The following HS3ST4 variants were observed in gnomAD, a reference collection of about 807,000 sequenced individuals.
HS3ST4 encodes the protein heparan sulfate-glucosamine 3-sulfotransferase 4, also known as heparan sulfate glucosamine 3-O-sulfotransferase 4.
A neutral mutation model predicts 29.2 loss-of-function variants in HS3ST4; 17 were observed. The ratio of observed to expected loss-of-function variants is 0.58; its 90% CI spans 0.40 to 0.87. The LOEUF is 0.87. Ranked by LOEUF, HS3ST4 falls within the 40% of genes least tolerant of loss-of-function variation. The probability of loss-of-function intolerance (pLI) is 0.00; values close to 1 mark genes in which losing one functional copy is unlikely to be tolerated. For synonymous variants in HS3ST4, 314 were observed against 285.7 expected (o/e 1.10, Z -1.00); for missense variants, 627 against 634.5 (o/e 0.99, Z 0.13).
intron 1 of HS3ST4, among the ~76,000 whole-genome samples, chr16:25,796,360 A>G (rs1025038805): frequency 2.6e-5 from 4 of 152,148 alleles, no homozygotes; most frequent in Non-Finnish European, 5.9e-5. Context: ...GGATGTTTTC[A>G]AACAGATGAA....
intron 1 of HS3ST4, among the ~76,000 whole-genome samples, chr16:25,948,205 G>C (rs1291179933): frequency 6.6e-6 from 1 of 152,070 alleles, no homozygotes; most frequent in African/African-American, 2.4e-5. Flanking sequence ...CTACTGACCT[G>C]ATTCTGAGGC....
At chr16:25,973,310 T>G (rs1968914408) in intron 1 of HS3ST4, among the ~76,000 whole-genome samples, 1 of 152,186 alleles carries the variant, frequency 6.6e-6, no homozygotes, top group South Asian at 2.1e-4. Context: ...GGAAGGATTT[T>G]TATGATGAGA....
In HS3ST4 at chr16:26,014,006, C is replaced by CT. The variant is rs1555478275; in HGVS notation, c.735-121606_735-121605insT. ...CTGGCGACAGATAGCAACTCTGTCTCAAAATAAATAAATAAATAAATAAAT... is the reference window on the plus strand; with the variant it reads ...CTGGCGACAGATAGCAACTCTGTCTCTAAAATAAATAAATAAATAAATAAAT... On this transcript the variant is annotated intron_variant, in intron 1 of 1. Transcript: ENST00000331351. 8.9e-4 allele frequency among the ~76,000 whole-genome samples: 42 copies of CT among 47,378 alleles called. No homozygotes were observed. In the East Asian group the frequency reaches 0.033, roughly 37 times the overall value. 31.1% of individuals were successfully genotyped at this position (47,378 alleles called of 152,430 possible).
intron 1 of HS3ST4, among the ~76,000 whole-genome samples, chr16:25,714,217 GAAAAT>G (rs1966436502): frequency 1.3e-5 from 2 of 152,100 alleles, no homozygotes; most frequent in South Asian, 2.1e-4. Context: ...ACAAATACAT[GAAAAT>G]AAAATAAAGA....
chr16:25,829,095 G>A (rs749854614), intron 1 of HS3ST4, among the ~76,000 whole-genome samples: 1 of 152,178 alleles, frequency 6.6e-6, no homozygotes, highest in Non-Finnish European at 1.5e-5. Context: ...TGGGGAATAC[G>A]GCTTAGTGTG....
chr16:25,922,349 T>C (rs1417906362), intron 1 of HS3ST4, among the ~76,000 whole-genome samples: 1 of 152,200 alleles, frequency 6.6e-6, no homozygotes, highest in Non-Finnish European at 1.5e-5. Flanking sequence ...CCTTGCTCTT[T>C]GTACCATGTG....
At chr16:26,054,496 A>T (rs1018099520) in intron 1 of HS3ST4, among the ~76,000 whole-genome samples, 37 of 152,142 alleles carry the variant, frequency 2.4e-4, no homozygotes, top group African/African-American at 8.7e-4. Flanking sequence ...GGGGCCAGGG[A>T]AGTAGGTGGT....
rs150336383 is a variant in HS3ST4, at chr16:26,022,063, A to G, written c.735-113549A>G. Among the ~76,000 whole-genome samples, 178 of 152,214 alleles carry G rather than the reference A, an allele frequency of 1.2e-3. 1 individual carries two copies. The East Asian group carries it at 0.028, about 24-fold the overall frequency. On this transcript the variant is annotated intron_variant, in intron 1 of 1. Transcript: ENST00000331351. ...CTGCAGCCTTGAACTTCTGGGCTCC[A>G]GTGATCTTCCTGCCTCAGCCTCCCA...
chr16:26,101,417 C>T (rs1373859367), intron 1 of HS3ST4, among the ~76,000 whole-genome samples: 2 of 152,212 alleles, frequency 1.3e-5, no homozygotes. Flanking sequence ...TGTTCCTGGT[C>T]TATACCACCA....
At chr16:26,004,511 A>G (rs149421692) in intron 1 of HS3ST4, among the ~76,000 whole-genome samples, 2 of 152,332 alleles carry the variant, frequency 1.3e-5, no homozygotes, top group Non-Finnish European at 2.9e-5. Context: ...ACGGAAAAAC[A>G]TAACACAAGA....
At chr16:26,104,120 G>A (rs1028350756) in intron 1 of HS3ST4, among the ~76,000 whole-genome samples, 5 of 152,190 alleles carry the variant, frequency 3.3e-5, no homozygotes, top group Non-Finnish European at 7.4e-5. Context: ...CTGGTTAAGA[G>A]AAGTGGGTTT....
chr16:25,755,642 T>G (rs1466379564), intron 1 of HS3ST4, among the ~76,000 whole-genome samples: 1 of 152,228 alleles, frequency 6.6e-6, no homozygotes, highest in African/African-American at 2.4e-5. Context: ...AATACATCAA[T>G]TTCTTAATGT....
chr16:25,909,910 G>T (rs1451440212), intron 1 of HS3ST4, among the ~76,000 whole-genome samples: 3 of 152,110 alleles, frequency 2.0e-5, no homozygotes, highest in African/African-American at 7.2e-5. Context: ...GTATTGCCCA[G>T]GCTGGAGTGC....
chr16:26,088,451 C>T (rs1169229970), intron 1 of HS3ST4, among the ~76,000 whole-genome samples: 1 of 152,070 alleles, frequency 6.6e-6, no homozygotes, highest in African/African-American at 2.4e-5. Context: ...GTAACAGTGG[C>T]TTGGTTGGTT....
At chr16:25,779,199 A>G (rs193013271) in intron 1 of HS3ST4, among the ~76,000 whole-genome samples, 2 of 152,376 alleles carry the variant, frequency 1.3e-5, no homozygotes, top group Admixed American at 1.3e-4. Flanking sequence ...CATGCTACTG[A>G]GGATGGGAGA....
intron 1 of HS3ST4, among the ~76,000 whole-genome samples, chr16:25,860,398 C>A (rs921015555): frequency 6.6e-6 from 1 of 152,176 alleles, no homozygotes; most frequent in South Asian, 2.1e-4. Flanking sequence ...CACACAAAAA[C>A]CTGCACATGA....
At chr16:26,080,934 C>T (rs1898716503) in intron 1 of HS3ST4, among the ~76,000 whole-genome samples, 1 of 152,158 alleles carries the variant, frequency 6.6e-6, no homozygotes, top group African/African-American at 2.4e-5. Context: ...CACGGACCAG[C>T]AGCTAAGAGC....
At chr16:25,859,282 G>A (rs530970740) in intron 1 of HS3ST4, among the ~76,000 whole-genome samples, 4 of 152,260 alleles carry the variant, frequency 2.6e-5, no homozygotes, top group Middle Eastern at 3.4e-3. Flanking sequence ...AATTAAATGA[G>A]CACACACTAC....
chr16:25,952,122 G>A (rs201824395), intron 1 of HS3ST4, among the ~76,000 whole-genome samples: 6 of 152,308 alleles, frequency 3.9e-5, no homozygotes, highest in Middle Eastern at 3.4e-3. Flanking sequence ...GTCTATGGCT[G>A]CATTTGAGCC....
Sources: gnomAD v4.1 joint callset for allele counts (sites outside exome capture counted in the v4.1 genomes callset) on GRCh38, gnomAD v4.1.1 for gene constraint, MANE v1.5 for transcripts, NCBI Gene and HGNC (gene_info 2026-07-23, HGNC 2026-07-21) for gene names.